CUX2: variants seen among roughly 807,000 people sequenced by gnomAD.
CUX2 encodes cut like homeobox 2.
In CUX2, 40 loss-of-function variants were observed where a neutral mutation model predicts 144.8. That is an observed-to-expected ratio of 0.28 (90% CI 0.21 to 0.36). CUX2 has a LOEUF of 0.36. Among genes scored for constraint, CUX2 ranks in the 10% least tolerant of loss-of-function variants. CUX2 has a pLI of 1.00. For missense variants in CUX2, 1,615 were observed against 1,994.0 expected (o/e 0.81, Z 3.62); for synonymous variants, 827 against 875.6 (o/e 0.94, Z 0.98).
At chr12:111,216,730 T>C (rs531480916) in intron 2 of CUX2, among the ~76,000 whole-genome samples, 1 of 152,298 alleles carries the variant, frequency 6.6e-6, no homozygotes, top group Non-Finnish European at 1.5e-5. Context: ...TGGCCCCTTA[T>C]GGTCAAGTCT....
intron 1 of CUX2, among the ~76,000 whole-genome samples, chr12:111,044,236 G>A (rs1418502181): frequency 6.6e-6 from 1 of 152,214 alleles, no homozygotes; most frequent in Non-Finnish European, 1.5e-5. Context: ...AAGGCTCTCA[G>A]GGTGTAGGAG....
chr12:111,334,554 C>G lies in CUX2; in HGVS notation c.3040C>G (p.Gln1014Glu). The G allele has an allele frequency of 6.2e-7, 1 of 1,614,008 alleles. No individual in the cohort carries two copies. Among genetic ancestry groups the G allele is most frequent in the Non-Finnish European group, 8.5e-7 (1 of 1,180,012 alleles). Residue 1014 changes from glutamine (Q) to glutamate (E), a missense_variant, in exon 19 of 22, where the codon CAG becomes GAG. Coordinates refer to ENST00000261726, the MANE Select transcript of CUX2 (RefSeq NM_015267.4). The part of the protein sequence containing the change: ...LSLESSKENQ[Q>E]PEGRSSSSLS... ...CCTGGAGAGCAGCAAGGAGAACCAGCAGCCAGAGGGCCGCTCCAGCTCCTC... is the reference window on the plus strand; with the variant it reads ...CCTGGAGAGCAGCAAGGAGAACCAGGAGCCAGAGGGCCGCTCCAGCTCCTC...
chr12:111,049,618 G>A (rs1033540467), intron 1 of CUX2, among the ~76,000 whole-genome samples: 4 of 152,212 alleles, frequency 2.6e-5, no homozygotes, highest in Non-Finnish European at 5.9e-5. Context: ...CTTGAGACGT[G>A]TAGTTCTCCC....
At chr12:111,272,380 G>T (rs1037175893) in intron 4 of CUX2, among the ~76,000 whole-genome samples, 2 of 152,180 alleles carry the variant, frequency 1.3e-5, no homozygotes, top group African/African-American at 4.8e-5. Context: ...AACACTGAAG[G>T]TTAGCATAAA....
At chr12:111,241,353 A>G (rs897825809) in intron 3 of CUX2, among the ~76,000 whole-genome samples, 5 of 152,174 alleles carry the variant, frequency 3.3e-5, no homozygotes, top group African/African-American at 9.7e-5. Context: ...TCAAACTTCA[A>G]CATGAGTTTT....
intron 20 of CUX2, among the ~76,000 whole-genome samples, chr12:111,341,511 T>C (rs998057791): frequency 6.6e-6 from 1 of 152,072 alleles, no homozygotes; most frequent in Admixed American, 6.6e-5. Context: ...GTGCTTCCTA[T>C]GCGTGAGGAA....
intron 1 of CUX2, among the ~76,000 whole-genome samples, chr12:111,139,232 A>G (rs930093147): frequency 3.3e-5 from 5 of 152,070 alleles, no homozygotes; most frequent in African/African-American, 1.2e-4. Context: ...GTAAACCAGA[A>G]GGTTTCATGT....
At chr12:111,250,056 C>T (rs773018484) in intron 3 of CUX2, among the ~76,000 whole-genome samples, 13 of 151,982 alleles carry the variant, frequency 8.6e-5, no homozygotes, top group Non-Finnish European at 1.5e-4. Context: ...TCACTGCCAT[C>T]GGGAATATTT....
chr12:111,205,879 A>G (rs1285736791), intron 1 of CUX2, among the ~76,000 whole-genome samples: 1 of 152,162 alleles, frequency 6.6e-6, no homozygotes, highest in Non-Finnish European at 1.5e-5. Context: ...TCACTCATTC[A>G]TTCGACCAAC....
rs553953010 is a variant in CUX2 at position 111,247,288 on chromosome 12, C to T, written c.223-16473C>T. Among the ~76,000 whole-genome samples, 4 of 152,322 alleles carry T rather than the reference C, an allele frequency of 2.6e-5. No homozygotes were observed. The South Asian group carries it at 8.3e-4, about 32-fold the overall frequency. ...AGGGCATGCATGCCCGGCTGAGGCT[C>T]TCCCGGGGCTGTCTCCAGCCACACT... On this transcript the variant is annotated intron_variant, in intron 3 of 21. Transcript: ENST00000261726.
chr12:111,115,742 C>T (rs926109539), intron 1 of CUX2, among the ~76,000 whole-genome samples: 3 of 152,042 alleles, frequency 2.0e-5, no homozygotes, highest in Admixed American at 6.5e-5. Context: ...CTCTGGTGCC[C>T]CCTCTTTTTC....
chr12:111,321,308 A>T (rs1887516751), intron 17 of CUX2, among the ~76,000 whole-genome samples: 2 of 152,110 alleles, frequency 1.3e-5, no homozygotes, highest in Admixed American at 6.6e-5. Context: ...CTCTACTAAA[A>T]ATATAAAAAT....
At chr12:111,206,178 A>G (rs1242706664) in intron 1 of CUX2, among the ~76,000 whole-genome samples, 1 of 152,194 alleles carries the variant, frequency 6.6e-6, no homozygotes, top group Non-Finnish European at 1.5e-5. Flanking sequence ...TTTACAAAAA[A>G]TAAATTAGCT....
At chr12:111,340,140 G>C (rs573911462) in intron 20 of CUX2, among the ~76,000 whole-genome samples, 2 of 152,292 alleles carry the variant, frequency 1.3e-5, no homozygotes, top group East Asian at 3.9e-4. Context: ...AGGTTGCAGT[G>C]AGCCAAGAGG....
At chr12:111,346,260 G>A (rs1888801420) in intron 21 of CUX2, among the ~76,000 whole-genome samples, 1 of 151,950 alleles carries the variant, frequency 6.6e-6, no homozygotes, top group Admixed American at 6.6e-5. Context: ...TGGATTGCTT[G>A]AGGTCAGGAG....
intron 1 of CUX2, among the ~76,000 whole-genome samples, chr12:111,089,744 A>C (rs930521650): frequency 1.3e-5 from 2 of 152,264 alleles, no homozygotes; most frequent in Admixed American, 1.3e-4. Context: ...ACAAAGGCTC[A>C]GAGGTCAGAG....
At chr12:111,082,938 G>C (rs1044227641) in intron 1 of CUX2, among the ~76,000 whole-genome samples, 1 of 152,248 alleles carries the variant, frequency 6.6e-6, no homozygotes, top group African/African-American at 2.4e-5. Flanking sequence ...TGAGCAGGAG[G>C]AGGAGGTGTT....
chr12:111,052,604 T>C (rs981864625), intron 1 of CUX2, among the ~76,000 whole-genome samples: 9 of 152,176 alleles, frequency 5.9e-5, no homozygotes, highest in Non-Finnish European at 1.0e-4. Flanking sequence ...TCTTAGTGTG[T>C]TTCTGTGTGT....
intron 1 of CUX2, among the ~76,000 whole-genome samples, chr12:111,108,764 T>C (rs1873762960): frequency 6.6e-6 from 1 of 150,796 alleles, no homozygotes; most frequent in Non-Finnish European, 1.5e-5. Flanking sequence ...TCCCTCTCTC[T>C]CTCTTTTTTT....
Sources: allele counts gnomAD v4.1 joint callset (sites outside exome capture counted in the v4.1 genomes callset), GRCh38; gene constraint gnomAD v4.1.1; transcripts MANE v1.5; gene names NCBI Gene and HGNC (gene_info 2026-07-23, HGNC 2026-07-21).